COL20A1: variants seen among roughly 807,000 people sequenced by gnomAD.
The protein encoded by COL20A1 is collagen alpha-1(XX) chain.
Under a neutral mutation model 152.9 loss-of-function variants are expected in COL20A1, and 164 were observed. The observed-to-expected ratio is 1.07, with a 90% CI of 0.94 to 1.22. The LOEUF (loss-of-function observed/expected upper bound fraction) is 1.22. COL20A1 is among the 50% of genes most tolerant of loss of function. The pLI is 0.00. For synonymous variants in COL20A1, 864 were observed against 756.0 expected, an observed-to-expected ratio of 1.14 and a Z score of -2.34; for missense variants, 1,873 against 1,744.8, an observed-to-expected ratio of 1.07 and a Z score of -1.31.
Position 63,306,659 on chromosome 20 carries a change from G to A in COL20A1, c.496+620G>A, listed in dbSNP as rs573956324. On this transcript the variant is annotated intron_variant, in intron 5 of 35. Transcript: ENST00000358894. The surrounding 1 kb of genome is among the most constrained non-coding windows in gnomAD (Gnocchi z 6.9). ...AGAAGCCAGGTAAGGGGTGGGCACA[G>A]ACGGGGGCAGTGCACTGTGTCTGCC... Among the ~76,000 whole-genome samples, 2 of 152,340 alleles carry A rather than the reference G, an allele frequency of 1.3e-5. No individual in the cohort carries two copies. Among genetic ancestry groups the A allele is most frequent in the Admixed American group, 6.5e-5 (1 of 15,308 alleles).
intron 29 of COL20A1, 66 bp from the exon 30 acceptor site, chr20:63,326,030 T>C (rs1351415374): frequency 2.9e-6 from 4 of 1,397,644 alleles, no homozygotes; most frequent in Non-Finnish European, 4.1e-6. Context: ...GCTGGGGGGC[T>C]GTCACCATGG....
chr20:63,309,723 T>A (rs2067978870), intron 9 of COL20A1, 35 bp from the exon 10 acceptor site: 12 of 1,517,596 alleles, frequency 7.9e-6, no homozygotes, highest in Non-Finnish European at 1.1e-5. Context: ...GCCCGTGCAG[T>A]GACCACCTGC....
In COL20A1 at chr20:63,309,790, C is replaced by G; in HGVS notation, c.1138C>G (p.Pro380Ala). The change falls in exon 10 of 36, where the codon CCC (proline) becomes GCC (alanine). Residue 380 changes from proline to alanine, a missense_variant. Physicochemically the swap from Pro to Ala is conservative, Grantham distance 27. Coordinates refer to ENST00000358894, the MANE Select transcript of COL20A1 (RefSeq NM_020882.4). The part of the protein sequence containing the change: ...AAPALDTLPA[P>A]TSLVLSQVTS... Reference sequence around the variant, plus strand: ...TCCAGCCCTGGACACCCTCCCTGCCCCCACCAGCCTGGTCCTGAGCCAGGT... The same window carrying G: ...TCCAGCCCTGGACACCCTCCCTGCCGCCACCAGCCTGGTCCTGAGCCAGGT... The G allele has an allele frequency of 1.2e-6, 2 of 1,602,238 alleles. No homozygotes were observed. The highest frequency in any genetic ancestry group is 1.7e-6 in the Non-Finnish European group (2 of 1,175,456).
rs1601409200 is a variant in COL20A1 at position 63,305,349 on chromosome 20, C to T, written c.194-68C>T. 4 of 1,315,418 alleles carry T rather than the reference C, an allele frequency of 3.0e-6. No individual in the cohort carries two copies. Among genetic ancestry groups the T allele is most frequent in the Non-Finnish European group, 3.9e-6 (4 of 1,016,284 alleles). 81.5% of individuals were successfully genotyped at this position (1,315,418 alleles called of 1,614,324 possible). A position where few individuals can be genotyped will look rare whatever the true frequency, so the allele number is the denominator to read the frequency against. On this transcript the variant is annotated intron_variant, in intron 3 of 35. Coordinates refer to ENST00000358894, the MANE Select transcript of COL20A1 (RefSeq NM_020882.4). The surrounding 1 kb of genome is among the most constrained non-coding windows in gnomAD (Gnocchi z 4.9). ...GGGAGGAGGAGCCAAGAGGGTTTCACTCCCCGCCGTGACAGATGCACACAC... is the reference window on the plus strand; with the variant it reads ...GGGAGGAGGAGCCAAGAGGGTTTCATTCCCCGCCGTGACAGATGCACACAC...
intron 25 of COL20A1, among the ~76,000 whole-genome samples, chr20:63,320,725 G>A (rs2068150929): frequency 6.6e-6 from 1 of 152,290 alleles, no homozygotes; most frequent in East Asian, 1.9e-4. Flanking sequence ...GCCATACTGG[G>A]GGCCCAGACG....
Position 63,312,507 on chromosome 20 carries a change from C to G in COL20A1, c.1891C>G (p.Pro631Ala), listed in dbSNP as rs1210640298. 1 of 1,608,174 alleles carries G rather than the reference C, an allele frequency of 6.2e-7. No homozygotes were observed. Among genetic ancestry groups the G allele is most frequent in the South Asian group, 1.1e-5 (1 of 90,732 alleles). Residue 631 changes from proline (P) to alanine (A), a missense_variant, in exon 15 of 36, where the codon CCT becomes GCT. Transcript: ENST00000358894. ...CACTGTCCGTGTCACCTGCCTCTAC[C>G]CTGGGGGTGGCTCCTCTACGCTGAC... ...TYTVRVTCLY[P>A]GGGSSTLTGR...
intron 33 of COL20A1, 49 bp downstream of exon 33, chr20:63,328,176 C>A: frequency 6.2e-7 from 1 of 1,601,856 alleles, no homozygotes; most frequent in Non-Finnish European, 8.5e-7. Flanking sequence ...TGCACCTGTG[C>A]CTACCACACC....
intron 20 of COL20A1, among the ~76,000 whole-genome samples, chr20:63,316,043 C>T (rs1216766835): frequency 6.6e-6 from 1 of 152,156 alleles, no homozygotes; most frequent in Non-Finnish European, 1.5e-5. Context: ...GGAATGGGGT[C>T]ATCGCAGGCC....
chr20:63,328,921 C>T (rs1356467977), intron 34 of COL20A1, among the ~76,000 whole-genome samples: 3 of 152,178 alleles, frequency 2.0e-5, no homozygotes, highest in South Asian at 2.1e-4. Flanking sequence ...CGCAGGCTCC[C>T]GTGACCTTGT....
intron 10 of COL20A1, 116 bp downstream of exon 10, chr20:63,310,031 G>A (rs1485691234): frequency 9.7e-7 from 1 of 1,032,038 alleles, no homozygotes; most frequent in Non-Finnish European, 1.4e-6. Context: ...AGGCTGAGAA[G>A]GGGGTGTCGA....
intron 3 of COL20A1, among the ~76,000 whole-genome samples, chr20:63,300,873 T>TA (rs1368162712): frequency 3.3e-5 from 5 of 152,222 alleles, no homozygotes; most frequent in Admixed American, 6.5e-5. Flanking sequence ...TAATTTTTGT[T>TA]ACGATATTTT....
chr20:63,311,633 C>T lies in COL20A1; in HGVS notation c.1548C>T (p.Val516=), dbSNP rs372276775. The change falls in exon 13 of 36, where the codon GTC becomes GTT. Residue 516 remains valine, a synonymous_variant. Coordinates refer to ENST00000358894, the MANE Select transcript of COL20A1 (RefSeq NM_020882.4). This position sits in a 1 kb window ranked among gnomAD's most constrained non-coding sequence, Gnocchi z 4.4. ...KGEEEEREVQ[V]GRPEVLLDGL... ...ACGTCATGTCTCTGCAGGTGCAGGT[C>T]GGGCGGCCCGAGGTGCTGCTGGATG... The T allele has an allele frequency of 8.7e-5, 140 of 1,609,256 alleles. No homozygotes were observed. Among genetic ancestry groups the T allele is most frequent in the Non-Finnish European group, 1.1e-4 (124 of 1,179,500 alleles).
chr20:63,334,421 T>C lies in COL20A1; in HGVS notation c.*3705T>C, dbSNP rs1018380348. On this transcript the variant is annotated 3_prime_UTR_variant, in exon 36 of 36. Transcript: ENST00000358894. Reference sequence around the variant, plus strand: ...TGTAAATACAGTGCTTTGTTTTGTTTTCTTGTTTTTTGAGACAAGGTCTTG... The same window carrying C: ...TGTAAATACAGTGCTTTGTTTTGTTCTCTTGTTTTTTGAGACAAGGTCTTG... 6.6e-6 allele frequency: 1 copy of C among 152,222 alleles called. No homozygotes were observed. The highest frequency in any genetic ancestry group is 2.4e-5 in the African/African-American group (1 of 41,428). The allele number at this position is 152,222 out of a possible 1,614,324, so 9.4% of individuals were successfully genotyped here.
At chr20:63,304,750 A>T (rs112191691) in intron 3 of COL20A1, among the ~76,000 whole-genome samples, 11 of 151,366 alleles carry the variant, frequency 7.3e-5, no homozygotes, top group African/African-American at 2.7e-4. Context: ...GAGGTGTGCA[A>T]GTGTGGATTT....
Position 63,312,456 on chromosome 20 carries a change from G to T in COL20A1, c.1840G>T (p.Gly614Trp). The change falls in exon 15 of 36, where the codon GGG (glycine) becomes TGG (tryptophan). Residue 614 changes from glycine (G) to tryptophan (W), a missense_variant. By Grantham distance (184) the Gly-to-Trp change is radical. Transcript: ENST00000358894. The part of the protein sequence containing the change: ...APGNATSATL[G>W]PLSSSTTYTV... ...TGGGAACGCCACCTCGGCCACGCTG[G>T]GGCCTCTCTCTTCCTCCACCACCTA... The T allele has an allele frequency of 6.2e-7, 1 of 1,606,748 alleles. No homozygotes were observed.
rs1316726667 is a variant in COL20A1, at chr20:63,309,843, G to T, written c.1191G>T (p.Trp397Cys). The change falls in exon 10 of 36, where the codon TGG (tryptophan) becomes TGT (cysteine). Residue 397 changes from tryptophan (W) to cysteine (C), a missense_variant. Physicochemically the swap from Trp to Cys is radical, Grantham distance 215. Transcript: ENST00000358894. ...CCTCCTCCAGCATCCGCCTGTCCTG[G>T]ACTCCAGCCCCCCGGCACCCCCTCA... is the stretch of plus-strand genomic sequence containing the variant. ...QVTSSSIRLS[W>C]TPAPRHPLKY... The T allele has an allele frequency of 6.2e-7, 1 of 1,611,378 alleles. No homozygotes were observed. The highest frequency in any genetic ancestry group is 1.7e-5 in the Admixed American group (1 of 59,934).
At chr20:63,312,338 A>C in intron 14 of COL20A1, 82 bp from the exon 15 acceptor site, 1 of 1,396,904 alleles carries the variant, frequency 7.2e-7, no homozygotes, top group African/African-American at 1.4e-5. Flanking sequence ...TCCTGGCTGC[A>C]GGTGCTGGGC....
At position 63,330,226 on chromosome 20, in the gene COL20A1, G is replaced by A. The variant is rs749518389; in HGVS notation, c.*4-494G>A. On this transcript the variant is annotated intron_variant, in intron 35 of 35. Coordinates refer to ENST00000358894, the MANE Select transcript of COL20A1 (RefSeq NM_020882.4). The stretch of plus-strand genomic sequence containing the variant: ...AGGGGCTGGTCCCAGCAGCAGGTGT[G>A]GGGACAGGGTCCCAGGAGCAGGTGG... Among the ~76,000 whole-genome samples the A allele has an allele frequency of 3.9e-5, 6 of 152,152 alleles. No individual in the cohort carries two copies. In the South Asian group the frequency reaches 1.2e-3, roughly 32 times the overall value.
Position 63,312,033 on chromosome 20 carries a change from G to A in COL20A1, c.1781G>A (p.Ser594Asn). 1 of 1,594,244 alleles carries A rather than the reference G, an allele frequency of 6.3e-7. No homozygotes were observed. Among genetic ancestry groups the A allele is most frequent in the South Asian group, 1.1e-5 (1 of 89,460 alleles). Reference protein sequence around the residue: ...VRLVRVTYVSSEGGHSGQTEA... With the variant: ...VRLVRVTYVSNEGGHSGQTEA... Reference sequence around the variant, plus strand: ...CTGGTCAGGGTCACCTATGTGTCCAGCGAGGGTGGACACTCGGGGCAGGTG... The same window carrying A: ...CTGGTCAGGGTCACCTATGTGTCCAACGAGGGTGGACACTCGGGGCAGGTG... The change falls in exon 14 of 36, where the codon AGC becomes AAC. Residue 594 changes from serine (S) to asparagine (N), a missense_variant. Coordinates refer to ENST00000358894, the MANE Select transcript of COL20A1 (RefSeq NM_020882.4).
Sources: gnomAD v4.1 joint callset for allele counts (sites outside exome capture counted in the v4.1 genomes callset) on GRCh38, gnomAD v4.1.1 for gene constraint, Gnocchi (gnomAD v3.1) non-coding constraint, MANE v1.5 for transcripts, NCBI Gene and HGNC (gene_info 2026-07-23, HGNC 2026-07-21) for gene names.